WDR7: variants seen among roughly 807,000 people sequenced by gnomAD.
WDR7 encodes WD repeat domain 7.
Under a neutral mutation model 169.4 loss-of-function variants are expected in WDR7, and 46 were observed. That is an observed-to-expected ratio of 0.27 (90% CI 0.21 to 0.35). WDR7 has a LOEUF of 0.35. Among genes scored for constraint, WDR7 ranks in the 10% least tolerant of loss-of-function variants. The probability of loss-of-function intolerance (pLI) is 1.00; values close to 1 mark genes in which losing one functional copy is unlikely to be tolerated. For missense variants in WDR7, 1,534 were observed against 1,859.3 expected (o/e 0.83, Z 3.22); for synonymous variants, 612 against 666.8 (o/e 0.92, Z 1.27).
intron 21 of WDR7, among the ~76,000 whole-genome samples, chr18:56,913,623 CAAAAAAAA>C (rs3045241): frequency 0.82 from 110,982 of 134,850 alleles, 44,567 homozygotes; most frequent in East Asian, 0.98. Flanking sequence ...CCCATCTCTA[CAAAAAAAA>C]AAAAAAAAAA....
At chr18:56,724,649 TTA>T (rs745836380) in intron 13 of WDR7, among the ~76,000 whole-genome samples, 1 of 151,074 alleles carries the variant, frequency 6.6e-6, no homozygotes, top group Non-Finnish European at 1.5e-5. Flanking sequence ...TTTTTTAATT[TTA>T]TATATATATA....
intron 20 of WDR7, among the ~76,000 whole-genome samples, chr18:56,866,955 A>G (rs1232951665): frequency 1.3e-5 from 2 of 152,198 alleles, no homozygotes; most frequent in Non-Finnish European, 2.9e-5. Flanking sequence ...GTATTAAATT[A>G]CCACATATAC....
chr18:56,817,395 C>T (rs1444295513), intron 20 of WDR7, among the ~76,000 whole-genome samples: 2 of 151,710 alleles, frequency 1.3e-5, no homozygotes, highest in Middle Eastern at 3.4e-3. Flanking sequence ...GGGAGATTTC[C>T]TCCTTCCCTC....
intron 26 of WDR7, among the ~76,000 whole-genome samples, chr18:56,973,975 T>G (rs1360349925): frequency 1.3e-5 from 2 of 152,218 alleles, no homozygotes; most frequent in African/African-American, 4.8e-5. Context: ...GAAGATAGTC[T>G]TATTTCCCAT....
intron 16 of WDR7, among the ~76,000 whole-genome samples, chr18:56,768,605 A>T: frequency 6.6e-6 from 1 of 152,174 alleles, no homozygotes; most frequent in Non-Finnish European, 1.5e-5. Context: ...AGAGATACAA[A>T]GGACTCTGAG....
intron 20 of WDR7, among the ~76,000 whole-genome samples, chr18:56,838,827 T>C (rs1303388808): frequency 2.0e-5 from 3 of 152,156 alleles, no homozygotes; most frequent in African/African-American, 7.2e-5. Flanking sequence ...TTTTTAAGGG[T>C]TTGAAATTTC....
Position 56,672,635 on chromosome 18 carries a change from C to G in WDR7, c.120C>G (p.Asp40Glu). Residue 40 changes from aspartate to glutamate, a missense_variant, in exon 2 of 28, where the codon GAC (aspartate) becomes GAG (glutamate). Physicochemically the swap from Asp to Glu is conservative, Grantham distance 45. Transcript: ENST00000254442. ...DGATIVTGCH[D>E]GQICLWDLSV... ...CCACGATCGTAACAGGATGTCACGACGGACAAATATGTCTCTGGGATCTTT... is the reference window on the plus strand; with the variant it reads ...CCACGATCGTAACAGGATGTCACGAGGGACAAATATGTCTCTGGGATCTTT... The G allele has an allele frequency of 6.2e-7, 1 of 1,612,104 alleles. No individual in the cohort carries two copies. The highest frequency in any genetic ancestry group is 8.5e-7 in the Non-Finnish European group (1 of 1,179,028).
chr18:56,785,833 T>TC (rs1487433107), intron 19 of WDR7, among the ~76,000 whole-genome samples: 12 of 149,718 alleles, frequency 8.0e-5, no homozygotes, highest in African/African-American at 2.7e-4. Context: ...TCTTTTTCTT[T>TC]TTTTTTTTTT....
chr18:56,776,608 A>G (rs1401446010), intron 16 of WDR7, among the ~76,000 whole-genome samples, 174 bp from the exon 17 acceptor site: 1 of 152,096 alleles, frequency 6.6e-6, no homozygotes. Flanking sequence ...AAAATATATC[A>G]TTTTTCTGCT....
At chr18:56,746,358 C>A (rs949627008) in intron 14 of WDR7, among the ~76,000 whole-genome samples, 3 of 152,006 alleles carry the variant, frequency 2.0e-5, no homozygotes, top group Non-Finnish European at 4.4e-5. Flanking sequence ...TTTTCTCAGG[C>A]AAATAGATGG....
chr18:56,779,937 G>T (rs2044293018), intron 18 of WDR7, among the ~76,000 whole-genome samples: 1 of 152,192 alleles, frequency 6.6e-6, no homozygotes, highest in Admixed American at 6.5e-5. Flanking sequence ...ATATTTCAGT[G>T]AAAGGTAGTG....
intron 19 of WDR7, among the ~76,000 whole-genome samples, chr18:56,793,280 A>G (rs187102868): frequency 2.0e-5 from 3 of 152,332 alleles, no homozygotes; most frequent in African/African-American, 2.4e-5. Context: ...TTGTTCTTAT[A>G]TAACTGTCAT....
rs994535781 is a variant in WDR7, at chr18:57,029,215, C to G, written c.*2008C>G. The G allele has an allele frequency of 2.0e-5, 3 of 152,134 alleles. No homozygotes were observed. Among genetic ancestry groups the G allele is most frequent in the Non-Finnish European group, 4.4e-5 (3 of 68,036 alleles). 9.4% of individuals were successfully genotyped at this position (152,134 alleles called of 1,614,324 possible). On this transcript the variant is annotated 3_prime_UTR_variant, in exon 28 of 28. Transcript: ENST00000254442. ...CCGCAAACACACGGATGGCTCCCCC[C>G]GCCACGAAGGTTGAGAACAAAGCCA...
At position 56,779,184 on chromosome 18, in the gene WDR7, A is replaced by G. The variant is rs912365318; in HGVS notation, c.2948-247A>G. 2.6e-5 allele frequency among the ~76,000 whole-genome samples: 4 copies of G among 152,328 alleles called. No homozygotes were observed. In the East Asian group the frequency reaches 7.7e-4, roughly 29 times the overall value. ...TTCTTGTGAATTTGGATATACTTCC[A>G]GTGGAAATTTATTTTTATTTCTTTT... On this transcript the variant is annotated intron_variant, in intron 17 of 27. Transcript: ENST00000254442.
chr18:56,905,583 G>A (rs891062027), intron 21 of WDR7, among the ~76,000 whole-genome samples: 2 of 150,972 alleles, frequency 1.3e-5, no homozygotes, highest in Admixed American at 6.6e-5. Flanking sequence ...ATATTTAGTA[G>A]CAGTAACTAC....
rs116770998 is a variant in WDR7 at position 56,884,952 on chromosome 18, G to A, written c.3526+4787G>A. On this transcript the variant is annotated intron_variant, in intron 21 of 27. Transcript: ENST00000254442. ...TCCATGGCTGAGAGACCTGAAGACGGTTCACATCACAGGTCTCTGTGCAGA... is the reference window on the plus strand; with the variant it reads ...TCCATGGCTGAGAGACCTGAAGACGATTCACATCACAGGTCTCTGTGCAGA... Among the ~76,000 whole-genome samples the A allele has an allele frequency of 9.5e-3, 1,442 of 152,318 alleles. 23 individuals are homozygous for A. Among genetic ancestry groups the A allele is most frequent in the African/African-American group, 0.033 (1,358 of 41,558 alleles).
chr18:56,936,081 G>T, intron 23 of WDR7, 176 bp downstream of exon 23: 1 of 549,408 alleles, frequency 1.8e-6, no homozygotes, highest in South Asian at 2.9e-5. Context: ...TGAATTCCAC[G>T]GTGTGGTGCA....
chr18:56,781,186 A>G (rs1018719223), intron 18 of WDR7, among the ~76,000 whole-genome samples: 9 of 152,218 alleles, frequency 5.9e-5, no homozygotes, highest in African/African-American at 2.2e-4. Context: ...GTTAATATAG[A>G]AATTTTAAAA....
chr18:56,657,906 T>A (rs2024812747), intron 1 of WDR7, among the ~76,000 whole-genome samples: 1 of 152,122 alleles, frequency 6.6e-6, no homozygotes, highest in Non-Finnish European at 1.5e-5. Flanking sequence ...TCAAACTATG[T>A]TGGTGACGTT....
Sources: gnomAD v4.1 joint callset for allele counts (sites outside exome capture counted in the v4.1 genomes callset) on GRCh38, gnomAD v4.1.1 for gene constraint, MANE v1.5 for transcripts, NCBI Gene and HGNC (gene_info 2026-07-23, HGNC 2026-07-21) for gene names.